The following UNC5D variants were observed in gnomAD, a reference collection of about 807,000 sequenced individuals.
UNC5D encodes the protein netrin receptor UNC5D.
A neutral mutation model predicts 105.4 loss-of-function variants in UNC5D; 39 were observed. That is an observed-to-expected ratio of 0.37 (90% CI 0.29 to 0.48). The LOEUF (loss-of-function observed/expected upper bound fraction) is 0.48. Ranked by LOEUF, UNC5D falls within the 20% of genes least tolerant of loss-of-function variation. The pLI is 0.98. For missense variants in UNC5D, 991 were observed against 1,202.4 expected, an observed-to-expected ratio of 0.82 and a Z score of 2.60; for synonymous variants, 452 against 450.4, an observed-to-expected ratio of 1.00 and a Z score of -0.04.
intron 1 of UNC5D, among the ~76,000 whole-genome samples, chr8:35,422,502 A>G (rs1805984750): frequency 6.6e-6 from 1 of 152,240 alleles, no homozygotes; most frequent in Admixed American, 6.5e-5. Context: ...TCAATCACTA[A>G]TAAGCAGGAG....
In UNC5D at chr8:35,355,241, C is replaced by T. The variant is rs191984233; in HGVS notation, c.103+119354C>T. 7.8e-4 allele frequency among the ~76,000 whole-genome samples: 119 copies of T among 152,142 alleles called. 2 individuals carry two copies. Among genetic ancestry groups the T allele is most frequent in the African/African-American group, 2.8e-3 (115 of 41,510 alleles). On this transcript the variant is annotated intron_variant, in intron 1 of 16. Transcript: ENST00000404895. Reference sequence around the variant, plus strand: ...TTTTTTTGAACAACTTGAGCAAGATCCTAAAGACTGTATTGGGAAGTTTTT... The same window carrying T: ...TTTTTTTGAACAACTTGAGCAAGATTCTAAAGACTGTATTGGGAAGTTTTT...
chr8:35,524,652 A>AG (rs1813724129), intron 1 of UNC5D, among the ~76,000 whole-genome samples: 2 of 147,168 alleles, frequency 1.4e-5, no homozygotes. Context: ...AAAAAAAAAA[A>AG]AAAGAAAAAA....
intron 1 of UNC5D, among the ~76,000 whole-genome samples, chr8:35,515,730 G>A (rs1036037706): frequency 6.6e-6 from 1 of 152,182 alleles, no homozygotes; most frequent in Non-Finnish European, 1.5e-5. Flanking sequence ...TGTAAGGGCG[G>A]CAACCTTTTA....
Position 35,595,651 on chromosome 8 carries a change from TG to T in UNC5D, c.565del (p.Ala189ProfsTer6). ...GCCGCCCACCAGAGGGAGTCCCTGC[TG>T]CCGAGGTAAGACAGGATCCTGGGAC... ...HCRPPEGVPA[A>X]EVEWLKNEEP... is the part of the protein sequence containing the mutation. On this transcript the variant is annotated frameshift_variant, in exon 4 of 17. Transcript: ENST00000404895. LOFTEE classifies it high-confidence loss of function. 1 of 1,613,992 alleles carries T rather than the reference TG, an allele frequency of 6.2e-7. No homozygotes were observed. The highest frequency in any genetic ancestry group is 8.5e-7 in the Non-Finnish European group (1 of 1,179,922).
chr8:35,624,480 T>G (rs2131044509), intron 4 of UNC5D, among the ~76,000 whole-genome samples: 1 of 152,328 alleles, frequency 6.6e-6, no homozygotes, highest in Admixed American at 6.5e-5. Context: ...GTCTTGCACA[T>G]TCATGCACAA....
intron 1 of UNC5D, among the ~76,000 whole-genome samples, chr8:35,504,246 G>A (rs59091238): frequency 3.9e-5 from 6 of 152,082 alleles, no homozygotes; most frequent in African/African-American, 1.2e-4. Flanking sequence ...CTGACCTGCC[G>A]TGTGACCTTA....
In UNC5D at chr8:35,687,993, G is replaced by A. The variant is rs530873687; in HGVS notation, c.1084+1284G>A. 2.6e-4 allele frequency among the ~76,000 whole-genome samples: 39 copies of A among 152,038 alleles called. No homozygotes were observed. The South Asian group carries it at 5.6e-3, about 22-fold the overall frequency. ...AAAATACAAAAAAAATTAGCTGGGCGTGGTGGCAGGCACCTGTAGTCCCAG... is the reference window on the plus strand; with the variant it reads ...AAAATACAAAAAAAATTAGCTGGGCATGGTGGCAGGCACCTGTAGTCCCAG... On this transcript the variant is annotated intron_variant, in intron 7 of 16. Coordinates refer to ENST00000404895, the MANE Select transcript of UNC5D (RefSeq NM_080872.4).
chr8:35,298,924 T>A (rs1228640546), intron 1 of UNC5D, among the ~76,000 whole-genome samples: 1 of 152,166 alleles, frequency 6.6e-6, no homozygotes, highest in Non-Finnish European at 1.5e-5. Context: ...GTAATGTTAT[T>A]TTTATGTATT....
intron 1 of UNC5D, among the ~76,000 whole-genome samples, chr8:35,294,602 T>G (rs1481193814): frequency 6.6e-6 from 1 of 152,186 alleles, no homozygotes; most frequent in Non-Finnish European, 1.5e-5. Context: ...AAGCTGCATT[T>G]TCAACATGAA....
chr8:35,671,808 T>G (rs1218972531), intron 4 of UNC5D, among the ~76,000 whole-genome samples: 2 of 152,102 alleles, frequency 1.3e-5, no homozygotes, highest in Non-Finnish European at 2.9e-5. Flanking sequence ...TCTTTTTGGT[T>G]TTTTTTTCAG....
At chr8:35,718,912 C>A (rs1245112411) in intron 8 of UNC5D, among the ~76,000 whole-genome samples, 1 of 152,016 alleles carries the variant, frequency 6.6e-6, no homozygotes, top group Non-Finnish European at 1.5e-5. Flanking sequence ...ATTACAATTG[C>A]ACTTGGGATG....
chr8:35,301,746 A>C (rs909300285), intron 1 of UNC5D, among the ~76,000 whole-genome samples: 29 of 152,196 alleles, frequency 1.9e-4, no homozygotes, highest in Admixed American at 1.2e-3. Flanking sequence ...AGCCTCAAAC[A>C]AATGGCCTCC....
intron 15 of UNC5D, among the ~76,000 whole-genome samples, chr8:35,768,594 G>A (rs1351955633): frequency 3.3e-5 from 5 of 152,162 alleles, no homozygotes; most frequent in Admixed American, 6.5e-5. Context: ...AAAGGTTATT[G>A]TTTGTAAAGG....
At chr8:35,513,387 C>G (rs1460683764) in intron 1 of UNC5D, among the ~76,000 whole-genome samples, 1 of 152,088 alleles carries the variant, frequency 6.6e-6, no homozygotes, top group Non-Finnish European at 1.5e-5. Flanking sequence ...TGCCACCATG[C>G]CTGGCTGATT....
chr8:35,709,600 G>GAAT (rs1827811236), intron 8 of UNC5D, among the ~76,000 whole-genome samples: 1 of 152,200 alleles, frequency 6.6e-6, no homozygotes, highest in Admixed American at 6.5e-5. Context: ...TGAGGCAAGA[G>GAAT]AATCACTTGA....
intron 3 of UNC5D, among the ~76,000 whole-genome samples, chr8:35,578,540 A>G (rs954709520): frequency 6.6e-6 from 1 of 152,224 alleles, no homozygotes; most frequent in African/African-American, 2.4e-5. Context: ...TACAGTATGG[A>G]GTGAAATGCA....
intron 1 of UNC5D, among the ~76,000 whole-genome samples, chr8:35,376,638 AT>A (rs1259271465): frequency 4.6e-5 from 7 of 152,298 alleles, no homozygotes; most frequent in Admixed American, 4.6e-4. Context: ...AAAACCCATG[AT>A]TCCTTTCATA....
At chr8:35,309,183 A>G (rs1292178306) in intron 1 of UNC5D, among the ~76,000 whole-genome samples, 1 of 152,140 alleles carries the variant, frequency 6.6e-6, no homozygotes, top group Non-Finnish European at 1.5e-5. Context: ...ATCACCAAGC[A>G]ATGATGATGC....
intron 1 of UNC5D, among the ~76,000 whole-genome samples, chr8:35,417,150 C>T (rs890654296): frequency 6.6e-6 from 1 of 152,064 alleles, no homozygotes; most frequent in African/African-American, 2.4e-5. Context: ...TTCTGTTGTG[C>T]TATCAAATAC....
Sources: allele counts gnomAD v4.1 joint callset (sites outside exome capture counted in the v4.1 genomes callset), GRCh38; gene constraint gnomAD v4.1.1; transcripts MANE v1.5; gene names NCBI Gene and HGNC (gene_info 2026-07-23, HGNC 2026-07-21).